Variants in ADARB1 observed in about 807,000 individuals in gnomAD.
ADARB1 encodes adenosine deaminase RNA specific B1.
In ADARB1, 10 loss-of-function variants were observed where a neutral mutation model predicts 52.4. The ratio of observed to expected loss-of-function variants is 0.19; its 90% CI spans 0.12 to 0.32. ADARB1 has a LOEUF of 0.32. Among genes scored for constraint, ADARB1 ranks in the 10% least tolerant of loss-of-function variants. The pLI is 1.00. For missense variants in ADARB1, 643 were observed against 922.3 expected (o/e 0.70, Z 3.92); for synonymous variants, 349 against 371.1 (o/e 0.94, Z 0.68).
At chr21:45,120,831 A>G (rs920004580) in intron 1 of ADARB1, 8 of 152,194 alleles carry the variant, frequency 5.3e-5, no homozygotes, top group Non-Finnish European at 1.2e-4. Context: ...GGTTTATTCT[A>G]CTAATGGAAA....
intron 8 of ADARB1, among the ~76,000 whole-genome samples, chr21:45,199,117 G>C (rs138542148): frequency 2.9e-4 from 44 of 152,276 alleles, no homozygotes; most frequent in Admixed American, 1.1e-3. Context: ...ACTAGATGGA[G>C]GCTTGTCTCT....
In ADARB1 at chr21:45,224,559, C is replaced by T; in HGVS notation, c.*2362C>T. ...TGGGCGGGGCGGCTGTTGGGGGGAA[C>T]TGGGTTCGGGGTGCCCTGGGCAGGG... On this transcript the variant is annotated 3_prime_UTR_variant, in exon 11 of 11. Transcript: ENST00000348831. 1.2e-6 allele frequency: 1 copy of T among 806,674 alleles called. No homozygotes were observed. Among genetic ancestry groups the T allele is most frequent in the Non-Finnish European group, 1.5e-6 (1 of 663,858 alleles). The allele number at this position is 806,674 out of a possible 1,614,324, so 50.0% of individuals were successfully genotyped here.
intron 8 of ADARB1, among the ~76,000 whole-genome samples, chr21:45,198,737 T>C (rs2092484643): frequency 6.6e-6 from 1 of 152,158 alleles, no homozygotes; most frequent in African/African-American, 2.4e-5. Context: ...CTACAACCTT[T>C]ATCTCCACAC....
intron 8 of ADARB1, among the ~76,000 whole-genome samples, chr21:45,199,489 G>A (rs1366624153): frequency 6.6e-6 from 1 of 152,220 alleles, no homozygotes; most frequent in Non-Finnish European, 1.5e-5. Flanking sequence ...CGTGGTGCTC[G>A]CAGAAGACAT....
At chr21:45,082,294 T>C (rs1423604858) in intron 1 of ADARB1, among the ~76,000 whole-genome samples, 1 of 152,236 alleles carries the variant, frequency 6.6e-6, no homozygotes, top group East Asian at 1.9e-4. Context: ...AAATATATTG[T>C]CAGTTGAAAA....
At position 45,222,847 on chromosome 21, in the gene ADARB1, C is replaced by G. The variant is rs2092989345; in HGVS notation, c.*650C>G. The G allele has an allele frequency of 1.0e-6, 1 of 985,376 alleles. No homozygotes were observed. Among genetic ancestry groups the G allele is most frequent in the Non-Finnish European group, 1.2e-6 (1 of 830,010 alleles). The allele number at this position is 985,376 out of a possible 1,614,324, so 61.0% of individuals were successfully genotyped here. On this transcript the variant is annotated 3_prime_UTR_variant, in exon 11 of 11. Transcript: ENST00000348831. ...CCAGCATGGTGTAGCGTGGCCCTGT[C>G]ATGCACATGGGGTCCCGCAGCAGTG...
chr21:45,185,846 G>A (rs148838210), intron 8 of ADARB1, among the ~76,000 whole-genome samples: 102 of 152,380 alleles, frequency 6.7e-4, no homozygotes, highest in African/African-American at 2.4e-3. Flanking sequence ...CCCACAGTGA[G>A]TGGGTTTTGA....
chr21:45,152,323 C>T (rs1265304951), intron 2 of ADARB1, among the ~76,000 whole-genome samples: 1 of 140,522 alleles, frequency 7.1e-6, no homozygotes, highest in African/African-American at 2.6e-5. Flanking sequence ...TCTCTCCCCT[C>T]TGCTCGTGGT....
At chr21:45,109,202 TG>T (rs2087404692) in intron 1 of ADARB1, among the ~76,000 whole-genome samples, 8 of 149,902 alleles carry the variant, frequency 5.3e-5, no homozygotes, top group African/African-American at 9.8e-5. Context: ...TGTGCACGTG[TG>T]TTTGCGCGCG....
At chr21:45,076,921 A>G (rs141315156) in intron 1 of ADARB1, among the ~76,000 whole-genome samples, 1 of 152,360 alleles carries the variant, frequency 6.6e-6, no homozygotes, top group Non-Finnish European at 1.5e-5. Context: ...GGCATAAAGC[A>G]GTACATTTGT....
At chr21:45,133,655 G>T in intron 2 of ADARB1, 1 of 272,194 alleles carries the variant, frequency 3.7e-6, no homozygotes. Context: ...TGTCTTACCT[G>T]TACCTGACAG....
At chr21:45,114,999 A>G (rs2087750277) in intron 1 of ADARB1, among the ~76,000 whole-genome samples, 1 of 152,226 alleles carries the variant, frequency 6.6e-6, no homozygotes, top group African/African-American at 2.4e-5. Flanking sequence ...TATTTGAAAC[A>G]ACAGCAAAGT....
In ADARB1 at chr21:45,208,641, A is replaced by T. The variant is rs945201883; in HGVS notation, c.1747+3905A>T. 3.3e-5 allele frequency among the ~76,000 whole-genome samples: 5 copies of T among 151,078 alleles called. No homozygotes were observed. Among genetic ancestry groups the T allele is most frequent in the African/African-American group, 1.2e-4 (5 of 41,076 alleles). ...GTATGTGTGCGTGTGTGTGTGTGTGAGTGCATGTGAGTGTGTGCATGAGTG... is the reference window on the plus strand; with the variant it reads ...GTATGTGTGCGTGTGTGTGTGTGTGTGTGCATGTGAGTGTGTGCATGAGTG... On this transcript the variant is annotated intron_variant, in intron 9 of 10. Coordinates refer to ENST00000348831, the MANE Select transcript of ADARB1 (RefSeq NM_001112.4). The surrounding 1 kb of genome is among the most constrained non-coding windows in gnomAD (Gnocchi z 5.6).
intron 1 of ADARB1, among the ~76,000 whole-genome samples, chr21:45,075,979 A>T (rs2085917141): frequency 6.6e-6 from 1 of 152,246 alleles, no homozygotes; most frequent in Non-Finnish European, 1.5e-5. Flanking sequence ...ATATGTATTT[A>T]ATCCTCTTTG....
chr21:45,111,946 A>G (rs569068210), intron 1 of ADARB1, among the ~76,000 whole-genome samples: 32 of 152,256 alleles, frequency 2.1e-4, no homozygotes, highest in Middle Eastern at 3.4e-3. Context: ...CTGGTTGGGC[A>G]CTCAACTGCC....
chr21:45,109,209 G>A (rs1039952398), intron 1 of ADARB1, among the ~76,000 whole-genome samples: 7 of 150,154 alleles, frequency 4.7e-5, no homozygotes, highest in East Asian at 1.9e-4. Context: ...GTGTGTTTGC[G>A]CGCGTGTGTG....
intron 1 of ADARB1, among the ~76,000 whole-genome samples, chr21:45,089,502 T>A (rs1382815045): frequency 1.3e-5 from 2 of 152,158 alleles, no homozygotes; most frequent in Non-Finnish European, 2.9e-5. Flanking sequence ...TTATCAGTTT[T>A]TTTCCTTTAT....
intron 2 of ADARB1, among the ~76,000 whole-genome samples, chr21:45,138,375 C>T (rs541739123): frequency 6.6e-6 from 1 of 152,276 alleles, no homozygotes; most frequent in East Asian, 1.9e-4. Flanking sequence ...CTTCTTATGT[C>T]GTAAGTAATC....
intron 2 of ADARB1, 104 bp from the exon 3 acceptor site, chr21:45,171,506 T>C (rs528481206): frequency 4.3e-5 from 32 of 745,748 alleles, no homozygotes; most frequent in African/African-American, 4.2e-4. Flanking sequence ...ATGATTTTTT[T>C]CCTTTAATTT....
Sources: gnomAD v4.1 joint callset for allele counts (sites outside exome capture counted in the v4.1 genomes callset) on GRCh38, gnomAD v4.1.1 for gene constraint, Gnocchi (gnomAD v3.1) non-coding constraint, MANE v1.5 for transcripts, NCBI Gene and HGNC (gene_info 2026-07-23, HGNC 2026-07-21) for gene names.